TRIM13: variants seen among roughly 807,000 people sequenced by gnomAD.
TRIM13 encodes the protein tripartite motif containing 13.
A neutral mutation model predicts 27.1 loss-of-function variants in TRIM13; 15 were observed. That is an observed-to-expected ratio of 0.55 (90% CI 0.37 to 0.85). The LOEUF is 0.85. Ranked by LOEUF, TRIM13 falls within the 40% of genes least tolerant of loss-of-function variation. The probability of loss-of-function intolerance (pLI) is 0.00; values close to 1 mark genes in which losing one functional copy is unlikely to be tolerated. For missense variants in TRIM13, 402 were observed against 472.2 expected (o/e 0.85, Z 1.38); for synonymous variants, 193 against 171.5 (o/e 1.13, Z -0.98).
In TRIM13 at chr13:50,017,266, G is replaced by T. The variant is rs918142748; in HGVS notation, c.*4102G>T. 1 of 166,912 alleles carries T rather than the reference G, an allele frequency of 6.0e-6. No homozygotes were observed. The allele number at this position is 166,912 out of a possible 1,614,324, so 10.3% of individuals were successfully genotyped here. A position where few individuals can be genotyped will look rare whatever the true frequency, so the allele number is the denominator to read the frequency against. ...CTCTTTGGGGATCATGCTTCAAAAA[G>T]TCAGAAACCTAGAGACAAAACTGTC... On this transcript the variant is annotated 3_prime_UTR_variant, in exon 2 of 2. Transcript: ENST00000378182.
chr13:50,003,769 A>G (rs1874330859), intron 1 of TRIM13, among the ~76,000 whole-genome samples: 2 of 152,184 alleles, frequency 1.3e-5, no homozygotes, highest in Non-Finnish European at 2.9e-5. Flanking sequence ...AAAAAAATAA[A>G]CTCATAGTGG....
Position 50,013,295 on chromosome 13 carries a change from C to CATAT in TRIM13, c.*133_*134insATAT. The CATAT allele has an allele frequency of 4.1e-6, 4 of 964,976 alleles. No individual in the cohort carries two copies. Among genetic ancestry groups the CATAT allele is most frequent in the Non-Finnish European group, 5.9e-6 (4 of 678,224 alleles). 59.8% of individuals were successfully genotyped at this position (964,976 alleles called of 1,614,324 possible). A position where few individuals can be genotyped will look rare whatever the true frequency, so the allele number is the denominator to read the frequency against. ...GTATTCCTTCCAAAAATAATCTATA[C>CATAT]ATGTTCAAATTAGGTAGCATAAAGA... On this transcript the variant is annotated 3_prime_UTR_variant, in exon 2 of 2. Transcript: ENST00000378182.
chr13:50,015,433 G>C lies in TRIM13; in HGVS notation c.*2269G>C, dbSNP rs1876416762. ...ATCATGTATAACTAGCAACATTTAT[G>C]GTTATAGGTTGATTTCCTAAGTGTG... On this transcript the variant is annotated 3_prime_UTR_variant, in exon 2 of 2. Coordinates refer to ENST00000378182, the MANE Select transcript of TRIM13 (RefSeq NM_213590.3). The C allele has an allele frequency of 8.3e-7, 1 of 1,207,080 alleles. No individual in the cohort carries two copies. The highest frequency in any genetic ancestry group is 1.4e-5 in the South Asian group (1 of 69,732). The allele number at this position is 1,207,080 out of a possible 1,614,324, so 74.8% of individuals were successfully genotyped here.
Position 50,013,263 on chromosome 13 carries a change from T to C in TRIM13, c.*99T>C. 4 of 1,217,374 alleles carry C rather than the reference T, an allele frequency of 3.3e-6. No individual in the cohort carries two copies. The highest frequency in any genetic ancestry group is 4.5e-6 in the Non-Finnish European group (4 of 891,346). The allele number at this position is 1,217,374 out of a possible 1,614,324, so 75.4% of individuals were successfully genotyped here. ...CAACGATTCTAGTCACATATTTTCC[T>C]CCAAAAGTATTCCTTCCAAAAATAA... On this transcript the variant is annotated 3_prime_UTR_variant, in exon 2 of 2. Transcript: ENST00000378182.
At chr13:50,006,334 T>G (rs987055419) in intron 1 of TRIM13, among the ~76,000 whole-genome samples, 3 of 152,164 alleles carry the variant, frequency 2.0e-5, no homozygotes, top group Non-Finnish European at 2.9e-5. Context: ...CTTCATAGTT[T>G]CTCTTTGCCT....
intron 1 of TRIM13, among the ~76,000 whole-genome samples, chr13:50,000,728 G>C (rs1298022552): frequency 1.4e-5 from 2 of 144,122 alleles, no homozygotes; most frequent in Non-Finnish European, 3.2e-5. Flanking sequence ...ATTATGGGTG[G>C]CTTTTTCTCT....
At position 50,016,691 on chromosome 13, in the gene TRIM13, C is replaced by G. The variant is rs1035408175; in HGVS notation, c.*3527C>G. 6 of 167,044 alleles carry G rather than the reference C, an allele frequency of 3.6e-5. No individual in the cohort carries two copies. Among genetic ancestry groups the G allele is most frequent in the African/African-American group, 1.4e-4 (6 of 41,398 alleles). The allele number at this position is 167,044 out of a possible 1,614,324, so 10.3% of individuals were successfully genotyped here. A position where few individuals can be genotyped will look rare whatever the true frequency, so the allele number is the denominator to read the frequency against. On this transcript the variant is annotated 3_prime_UTR_variant, in exon 2 of 2. Coordinates refer to ENST00000378182, the MANE Select transcript of TRIM13 (RefSeq NM_213590.3). ...TTCTTCACTTACTCCCTCTGTTGTT[C>G]TTGGCTGGATCCTAACGCTGATTTC...
chr13:50,012,390 G>A lies in TRIM13; in HGVS notation c.450G>A (p.Glu150=), dbSNP rs1169958131. 3.1e-6 allele frequency: 5 copies of A among 1,614,030 alleles called. No homozygotes were observed. The highest frequency in any genetic ancestry group is 4.2e-6 in the Non-Finnish European group (5 of 1,180,026). The stretch of plus-strand genomic sequence containing the variant: ...TTGAGTCCCTCTTCCAGAGCTTTGA[G>A]ACCTGGCGTCGGGGAGATGCTCTTT... The part of the protein sequence containing the change: ...DAFESLFQSF[E]TWRRGDALSR... The change falls in exon 2 of 2, where the codon GAG becomes GAA. Residue 150 remains glutamate, a synonymous_variant. Coordinates refer to ENST00000378182, the MANE Select transcript of TRIM13 (RefSeq NM_213590.3).
rs879170111 is a variant in TRIM13, at chr13:50,014,360, T to TATATATATAAACACAC, written c.*1197_*1198insTATATATAAACACACA. 1 of 58,544 alleles carries TATATATATAAACACAC rather than the reference T, an allele frequency of 1.7e-5. No individual in the cohort carries two copies. Among genetic ancestry groups the TATATATATAAACACAC allele is most frequent in the African/African-American group, 7.2e-5 (1 of 13,966 alleles). 3.6% of individuals were successfully genotyped at this position (58,544 alleles called of 1,614,324 possible). A position where few individuals can be genotyped will look rare whatever the true frequency, so the allele number is the denominator to read the frequency against. On this transcript the variant is annotated 3_prime_UTR_variant, in exon 2 of 2. Coordinates refer to ENST00000378182, the MANE Select transcript of TRIM13 (RefSeq NM_213590.3). ...AAAAAAAAAAATATATATATATATA[T>TATATATATAAACACAC]ACACACACACACACACATATGTACA... is the stretch of plus-strand genomic sequence containing the variant.
intron 1 of TRIM13, among the ~76,000 whole-genome samples, chr13:50,006,610 A>G (rs1044300060): frequency 2.0e-5 from 3 of 152,140 alleles, no homozygotes; most frequent in Middle Eastern, 3.2e-3. Context: ...TTGGCAGATC[A>G]TCAAAAGTTT....
At chr13:50,009,724 C>A (rs1435186992) in intron 1 of TRIM13, among the ~76,000 whole-genome samples, 5 of 113,288 alleles carry the variant, frequency 4.4e-5, no homozygotes, top group African/African-American at 1.4e-4. Context: ...GTGACAGAGT[C>A]AGACTCCGTC....
rs73196734 is a variant in TRIM13, at chr13:50,017,718, T to C, written c.*4554T>C. On this transcript the variant is annotated 3_prime_UTR_variant, in exon 2 of 2. Coordinates refer to ENST00000378182, the MANE Select transcript of TRIM13 (RefSeq NM_213590.3). ...GTGAAATTATGGGGATCTCTGGTGA[T>C]TGGGATGAAAACTCTGGCCTTAAAA... 0.033 allele frequency: 5,582 copies of C among 167,116 alleles called. 149 individuals carry two copies. Among genetic ancestry groups the C allele is most frequent in the South Asian group, 0.086 (414 of 4,834 alleles). The allele number at this position is 167,116 out of a possible 1,614,324, so 10.4% of individuals were successfully genotyped here.
rs1424073715 is a variant in TRIM13, at chr13:49,997,523, C to G, written c.-247C>G. ...GCCCTAACCGAGAAGCTGCTTAATA[C>G]AAAGAGCTCCAGGCTCCTGGCGGTT... On this transcript the variant is annotated 5_prime_UTR_variant, in exon 1 of 2. Coordinates refer to ENST00000378182, the MANE Select transcript of TRIM13 (RefSeq NM_213590.3). 2.0e-5 allele frequency: 3 copies of G among 152,202 alleles called. No individual in the cohort carries two copies. Among genetic ancestry groups the G allele is most frequent in the Non-Finnish European group, 4.4e-5 (3 of 68,080 alleles). 9.4% of individuals were successfully genotyped at this position (152,202 alleles called of 1,614,324 possible). A position where few individuals can be genotyped will look rare whatever the true frequency, so the allele number is the denominator to read the frequency against.
intron 1 of TRIM13, among the ~76,000 whole-genome samples, chr13:49,999,257 G>T (rs1015543056): frequency 6.6e-6 from 1 of 152,208 alleles, no homozygotes; most frequent in Non-Finnish European, 1.5e-5. Context: ...TCTTTAGACG[G>T]GCTATGTAAA....
At chr13:50,004,792 A>G (rs1320586321) in intron 1 of TRIM13, among the ~76,000 whole-genome samples, 10 of 147,994 alleles carry the variant, frequency 6.8e-5, no homozygotes, top group Non-Finnish European at 1.0e-4. Flanking sequence ...AAAAAAAAAA[A>G]GGGCCAGGTG....
At chr13:50,008,598 A>T (rs868554246) in intron 1 of TRIM13, among the ~76,000 whole-genome samples, 1 of 152,074 alleles carries the variant, frequency 6.6e-6, no homozygotes, top group Middle Eastern at 3.2e-3. Context: ...TAATTAGGCC[A>T]CTGTAGTCCA....
At chr13:50,005,740 G>GTTT (rs372855203) in intron 1 of TRIM13, among the ~76,000 whole-genome samples, 2 of 137,892 alleles carry the variant, frequency 1.5e-5, no homozygotes, top group Non-Finnish European at 1.6e-5. Context: ...GAAATATTTA[G>GTTT]TTTTTTTTTT....
intron 1 of TRIM13, among the ~76,000 whole-genome samples, chr13:50,002,187 G>C (rs559698800): frequency 2.0e-5 from 3 of 152,104 alleles, no homozygotes; most frequent in Non-Finnish European, 2.9e-5. Flanking sequence ...CCAGGAGTTT[G>C]AGTCCAGCCT....
At chr13:50,000,693 G>A (rs1345738475) in intron 1 of TRIM13, among the ~76,000 whole-genome samples, 1 of 151,858 alleles carries the variant, frequency 6.6e-6, no homozygotes, top group African/African-American at 2.4e-5. Flanking sequence ...CAAAATAATA[G>A]TAGTGGTGAT....
Sources: gnomAD v4.1 joint callset for allele counts (sites outside exome capture counted in the v4.1 genomes callset) on GRCh38, gnomAD v4.1.1 for gene constraint, MANE v1.5 for transcripts, NCBI Gene and HGNC (gene_info 2026-07-23, HGNC 2026-07-21) for gene names.